CTNNA3: variants seen among roughly 807,000 people sequenced by gnomAD.
CTNNA3 encodes catenin alpha 3.
In CTNNA3, 76 loss-of-function variants were observed where a neutral mutation model predicts 95.7. That is an observed-to-expected ratio of 0.79 (90% CI 0.66 to 0.96). The LOEUF (loss-of-function observed/expected upper bound fraction) is 0.96. CTNNA3 is among the 40% of genes least tolerant of loss of function. CTNNA3 has a pLI of 0.00. For missense variants in CTNNA3, 1,191 were observed against 1,089.8 expected (o/e 1.09, Z -1.31); for synonymous variants, 431 against 374.4 (o/e 1.15, Z -1.74).
intron 11 of CTNNA3, among the ~76,000 whole-genome samples, chr10:66,384,804 A>G (rs2092875513): frequency 6.6e-6 from 1 of 152,172 alleles, no homozygotes; most frequent in Admixed American, 6.5e-5. Flanking sequence ...AAACAACACA[A>G]CTACATGGAA....
At chr10:66,074,657 T>C (rs2080513667) in intron 14 of CTNNA3, among the ~76,000 whole-genome samples, 1 of 151,894 alleles carries the variant, frequency 6.6e-6, no homozygotes, top group Non-Finnish European at 1.5e-5. Context: ...TCTCTCAAAA[T>C]TTTTAGAACA....
intron 13 of CTNNA3, among the ~76,000 whole-genome samples, chr10:66,261,403 T>C (rs993264735): frequency 8.5e-5 from 13 of 152,260 alleles, no homozygotes; most frequent in African/African-American, 2.6e-4. Flanking sequence ...TCTTAGCCAA[T>C]GATTTCAAAT....
At chr10:67,365,743 T>G (rs1359768133) in intron 5 of CTNNA3, among the ~76,000 whole-genome samples, 1 of 152,136 alleles carries the variant, frequency 6.6e-6, no homozygotes, top group Non-Finnish European at 1.5e-5. Flanking sequence ...CTGGAGAGGA[T>G]GTGAAGAAAT....
chr10:67,521,857 G>A lies in CTNNA3; in HGVS notation c.564C>T (p.Ala188=), dbSNP rs1839997704. The part of the protein sequence containing the change: ...GKELENLDYL[A]FKRQQDLKSP... ...TGACTCCTACCTGCTGACGTTTGAA[G>A]GCTAAATAATCCAAATTTTCCAGCT... Residue 188 remains alanine, a synonymous_variant, in exon 5 of 18, where the codon GCC becomes GCT. Transcript: ENST00000433211. 1 of 1,613,400 alleles carries A rather than the reference G, an allele frequency of 6.2e-7. No individual in the cohort carries two copies. Among genetic ancestry groups the A allele is most frequent in the African/African-American group, 1.3e-5 (1 of 74,918 alleles).
At chr10:66,548,581 C>T (rs938766099) in intron 10 of CTNNA3, among the ~76,000 whole-genome samples, 60 of 152,178 alleles carry the variant, frequency 3.9e-4, no homozygotes, top group African/African-American at 1.4e-3. Context: ...TGTCATTTAT[C>T]AGCTGTGAAC....
At chr10:67,097,691 G>T (rs544274000) in intron 7 of CTNNA3, 1 of 1,612,624 alleles carries the variant, frequency 6.2e-7, no homozygotes, top group East Asian at 2.2e-5. Flanking sequence ...CCTTTGAAAC[G>T]AATGCACAGG....
intron 1 of CTNNA3, among the ~76,000 whole-genome samples, chr10:67,719,461 A>T (rs769751795): frequency 2.3e-4 from 35 of 152,256 alleles, no homozygotes; most frequent in Middle Eastern, 3.4e-3. Flanking sequence ...CCCTCTAACC[A>T]CTGCTTTGAA....
chr10:66,119,718 G>T (rs2082493188), intron 13 of CTNNA3, among the ~76,000 whole-genome samples: 1 of 151,644 alleles, frequency 6.6e-6, no homozygotes, highest in South Asian at 2.1e-4. Context: ...TCTCATTCTT[G>T]TTTTTCATTC....
intron 10 of CTNNA3, among the ~76,000 whole-genome samples, chr10:66,554,507 T>G (rs949490431): frequency 6.6e-6 from 1 of 152,190 alleles, no homozygotes; most frequent in Non-Finnish European, 1.5e-5. Flanking sequence ...TTCTCCTATT[T>G]TTAATAGCTG....
chr10:66,882,530 T>C (rs1361306117), intron 7 of CTNNA3, among the ~76,000 whole-genome samples: 2 of 152,136 alleles, frequency 1.3e-5, no homozygotes, highest in African/African-American at 2.4e-5. Context: ...TGACGGTTCT[T>C]ACAGAGCATG....
rs60400266 is a variant in CTNNA3 at position 66,309,685 on chromosome 10, C to CAAAA, written c.1733-29068_1733-29065dup. On this transcript the variant is annotated intron_variant, in intron 12 of 17. Coordinates refer to ENST00000433211, the MANE Select transcript of CTNNA3 (RefSeq NM_013266.4). ...TAGGCGGCAGAGCGAGACTCCGTCT[C>CAAAA]AAAAAAAAAAAAAAAAAAAAAAAAA... Among the ~76,000 whole-genome samples the CAAAA allele has an allele frequency of 8.1e-4, 34 of 41,770 alleles. 3 individuals carry two copies. The East Asian group carries it at 0.014, about 17-fold the overall frequency. The allele number at this position is 41,770 out of a possible 152,430, so 27.4% of individuals were successfully genotyped here.
intron 10 of CTNNA3, among the ~76,000 whole-genome samples, chr10:66,576,088 C>T (rs930843531): frequency 2.0e-5 from 3 of 151,982 alleles, no homozygotes; most frequent in African/African-American, 4.8e-5. Context: ...GCAGTGTGTC[C>T]ATTGATGAGA....
At chr10:66,647,922 A>G (rs1202752493) in intron 9 of CTNNA3, among the ~76,000 whole-genome samples, 2 of 152,176 alleles carry the variant, frequency 1.3e-5, no homozygotes, top group Admixed American at 1.3e-4. Flanking sequence ...TCAGAGCAAA[A>G]GTAAAGAGAT....
In CTNNA3 at chr10:66,889,737, C is replaced by T. The variant is rs368489125; in HGVS notation, c.1048-114213G>A. ...TCAAAAAGGGCTTTTGTGTTTTTGGCTTGAGAAGAAGAAAAGCTGAGAGAG... is the reference window on the plus strand; with the variant it reads ...TCAAAAAGGGCTTTTGTGTTTTTGGTTTGAGAAGAAGAAAAGCTGAGAGAG... On this transcript the variant is annotated intron_variant, in intron 7 of 17. Coordinates refer to ENST00000433211, the MANE Select transcript of CTNNA3 (RefSeq NM_013266.4). Among the ~76,000 whole-genome samples, 15 of 150,322 alleles carry T rather than the reference C, an allele frequency of 1.0e-4. No individual in the cohort carries two copies. The South Asian group carries it at 3.2e-3, about 32-fold the overall frequency.
Position 66,527,507 on chromosome 10 carries a change from T to A in CTNNA3, c.1375-6734A>T, listed in dbSNP as rs183793673. The stretch of plus-strand genomic sequence containing the variant: ...TGGTACATTGCTTTGGTTAGTATTA[T>A]CATCTTCATAATATTAAATTTTATA... On this transcript the variant is annotated intron_variant, in intron 10 of 17. Transcript: ENST00000433211. Among the ~76,000 whole-genome samples the A allele has an allele frequency of 1.6e-3, 249 of 152,276 alleles. 2 individuals carry two copies. The highest frequency in any genetic ancestry group is 2.7e-3 in the Non-Finnish European group (186 of 68,010).
intron 15 of CTNNA3, among the ~76,000 whole-genome samples, chr10:66,051,723 C>T (rs2079963198): frequency 6.6e-6 from 1 of 152,006 alleles, no homozygotes; most frequent in Non-Finnish European, 1.5e-5. Context: ...CACTTGTTTC[C>T]ACTTTTATTC....
intron 7 of CTNNA3, among the ~76,000 whole-genome samples, chr10:66,844,174 C>A (rs968250659): frequency 3.9e-5 from 6 of 152,192 alleles, no homozygotes; most frequent in African/African-American, 1.4e-4. Context: ...TTAGATTGCA[C>A]TGTTTAAAAG....
At position 67,429,580 on chromosome 10, in the gene CTNNA3, T is replaced by G. The variant is rs531226030; in HGVS notation, c.579+92262A>C. On this transcript the variant is annotated intron_variant, in intron 5 of 17. Transcript: ENST00000433211. ...TCAGCAACATTCCAAAATAGTCTGA[T>G]CATTATTTATTTCCATTTGTATTTG... Among the ~76,000 whole-genome samples the G allele has an allele frequency of 6.6e-5, 10 of 152,084 alleles. No individual in the cohort carries two copies. The South Asian group carries it at 1.7e-3, about 25-fold the overall frequency.
intron 5 of CTNNA3, among the ~76,000 whole-genome samples, chr10:67,268,856 G>C (rs1866938818): frequency 1.3e-5 from 2 of 152,042 alleles, no homozygotes; most frequent in African/African-American, 4.8e-5. Flanking sequence ...ATCTTTAATT[G>C]AGTTTATAAT....
Sources: allele counts gnomAD v4.1 joint callset (sites outside exome capture counted in the v4.1 genomes callset), GRCh38; gene constraint gnomAD v4.1.1; transcripts MANE v1.5; gene names NCBI Gene and HGNC (gene_info 2026-07-23, HGNC 2026-07-21).